RFPL1: variants seen among roughly 807,000 people sequenced by gnomAD.
The protein encoded by RFPL1 is ret finger protein like 1.
A neutral mutation model predicts 9.6 loss-of-function variants in RFPL1; 6 were observed. The observed-to-expected ratio is 0.62, with a 90% CI of 0.34 to 1.23. RFPL1 has a LOEUF of 1.23. Among genes scored for constraint, RFPL1 ranks in the 50% most tolerant of loss-of-function variants. RFPL1 has a pLI of 0.03. For synonymous variants in RFPL1, 145 were observed against 149.4 expected (o/e 0.97, Z 0.22); for missense variants, 352 against 398.4 (o/e 0.88, Z 0.99).
the RFPL1 span, among the ~76,000 whole-genome samples, chr22:29,410,409 A>C: frequency 0.12 from 5,647 of 46,474 alleles, 562 homozygotes; most frequent in East Asian, 0.29. Flanking sequence ...ATATATATCT[A>C]TATATATAGA....
At chr22:29,416,998 T>C in the RFPL1 span, among the ~76,000 whole-genome samples, 1 of 152,148 alleles carries the variant, frequency 6.6e-6, no homozygotes, top group Non-Finnish European at 1.5e-5. Flanking sequence ...CTCTCAATTC[T>C]TATGTATTTA....
At chr22:29,417,787 C>T in the RFPL1 span, among the ~76,000 whole-genome samples, 3 of 151,976 alleles carry the variant, frequency 2.0e-5, no homozygotes, top group Non-Finnish European at 4.4e-5. Context: ...ATTTTACAAT[C>T]TGGTGAGCAG....
chr22:29,424,128 C>A, the RFPL1 span, among the ~76,000 whole-genome samples: 1 of 151,884 alleles, frequency 6.6e-6, no homozygotes, highest in East Asian at 1.9e-4. Context: ...TGCAGTGAGC[C>A]AAGATAGCAC....
the RFPL1 span, among the ~76,000 whole-genome samples, chr22:29,409,782 A>G: frequency 1.2e-4 from 18 of 152,280 alleles, no homozygotes; most frequent in African/African-American, 4.3e-4. Context: ...TCAAGGGAAT[A>G]TCATATTTGA....
the RFPL1 span, among the ~76,000 whole-genome samples, chr22:29,391,000 G>A: frequency 6.6e-6 from 1 of 151,498 alleles, no homozygotes; most frequent in Non-Finnish European, 1.5e-5. Flanking sequence ...AAATTAGCCG[G>A]ACATGGTGGT....
chr22:29,405,801 G>A, the RFPL1 span, among the ~76,000 whole-genome samples: 1 of 152,208 alleles, frequency 6.6e-6, no homozygotes. Flanking sequence ...CGGGGCTAAT[G>A]TGGGGATCAA....
the RFPL1 span, among the ~76,000 whole-genome samples, chr22:29,413,317 T>C: frequency 1.3e-5 from 2 of 152,088 alleles, no homozygotes; most frequent in Non-Finnish European, 2.9e-5. Flanking sequence ...GATGAGAACA[T>C]GATCTTCAGG....
chr22:29,439,391 T>C, intron 1 of RFPL1: 1 of 637,638 alleles, frequency 1.6e-6, no homozygotes, highest in Admixed American at 3.0e-5. Flanking sequence ...GTCAGCACTT[T>C]GGGAGGCCGA....
chr22:29,415,245 C>A, the RFPL1 span, among the ~76,000 whole-genome samples: 1 of 150,798 alleles, frequency 6.6e-6, no homozygotes, highest in Middle Eastern at 3.4e-3. Flanking sequence ...GAATTCAAAC[C>A]AAGTCAAAAT....
the RFPL1 span, among the ~76,000 whole-genome samples, chr22:29,390,049 C>T: frequency 2.6e-5 from 4 of 152,202 alleles, no homozygotes; most frequent in Non-Finnish European, 5.9e-5. Context: ...ATCTGCCCAC[C>T]TCAGCTTCCC....
chr22:29,417,962 G>C, the RFPL1 span, among the ~76,000 whole-genome samples: 1 of 144,310 alleles, frequency 6.9e-6, no homozygotes, highest in South Asian at 2.2e-4. Flanking sequence ...TTTTTTGAGA[G>C]GGAGTCTCGC....
intron 1 of RFPL1, chr22:29,440,644 C>T (rs1223882578): frequency 2.0e-5 from 3 of 152,122 alleles, no homozygotes; most frequent in African/African-American, 4.8e-5. Context: ...ATGATCTCTG[C>T]TCATTGCAAG....
chr22:29,438,901 C>G, exon 1 of RFPL1: 7 of 1,614,002 alleles, frequency 4.3e-6, no homozygotes, highest in South Asian at 1.1e-5. Context: ...TTCCAAGAAG[C>G]AAGCAGCTGT....
chr22:29,410,393 T>TCTATATATATAGATATATA, the RFPL1 span, among the ~76,000 whole-genome samples: 3 of 68,186 alleles, frequency 4.4e-5, no homozygotes, highest in African/African-American at 2.4e-4. Context: ...GATATATATA[T>TCTATATATATAGATATATA]TGTAGATATA....
the RFPL1 span, among the ~76,000 whole-genome samples, chr22:29,400,034 C>T: frequency 7.0e-6 from 1 of 143,534 alleles, no homozygotes; most frequent in Non-Finnish European, 1.5e-5. Context: ...CTGGCTCTGT[C>T]GCCCAGGCTG....
At chr22:29,417,001 T>C in the RFPL1 span, among the ~76,000 whole-genome samples, 11 of 152,284 alleles carry the variant, frequency 7.2e-5, no homozygotes, top group East Asian at 1.9e-4. Context: ...TCAATTCTTA[T>C]GTATTTACAG....
At chr22:29,438,525 G>A, upstream of RFPL1, 1 of 1,179,136 alleles carries the variant, frequency 8.5e-7, no homozygotes, top group Non-Finnish European at 1.1e-6. Flanking sequence ...ATCTCTTGCT[G>A]GGGTTCCCCT....
chr22:29,437,743 C>CTG (rs561999472), upstream of RFPL1: 11 of 1,579,326 alleles, frequency 7.0e-6, no homozygotes, highest in African/African-American at 8.4e-5. Flanking sequence ...GAGCCCATGC[C>CTG]TGTGTGTGTG....
the RFPL1 span, among the ~76,000 whole-genome samples, chr22:29,417,704 A>C: frequency 6.6e-6 from 1 of 151,676 alleles, no homozygotes; most frequent in Non-Finnish European, 1.5e-5. Context: ...AACAAATCTC[A>C]AAATGTTCTG....
Sources: gnomAD v4.1 joint callset for allele counts (sites outside exome capture counted in the v4.1 genomes callset) on GRCh38, gnomAD v4.1.1 for gene constraint, MANE v1.5 for transcripts, NCBI Gene and HGNC (gene_info 2026-07-23, HGNC 2026-07-21) for gene names.